The following WWOX variants were observed in gnomAD, a reference collection of about 807,000 sequenced individuals.
WWOX encodes the protein WW domain containing oxidoreductase, also known as WW domain-containing oxidoreductase.
WWOX carries 69 observed loss-of-function variants against 46.2 expected under a neutral mutation model. The ratio of observed to expected loss-of-function variants is 1.49; its 90% confidence interval spans 1.23 to 1.82. The LOEUF (loss-of-function observed/expected upper bound fraction) is 1.82. WWOX is among the 40% of genes most tolerant of loss of function. WWOX has a pLI of 0.00. For synonymous variants in WWOX, 359 were observed against 202.6 expected (o/e 1.77, Z -6.56); for missense variants, 919 against 542.6 (o/e 1.69, Z -6.89).
chr16:78,356,091 A>AAAAAAAAAG (rs1281293467), intron 5 of WWOX, among the ~76,000 whole-genome samples: 906 of 76,228 alleles, frequency 0.012, 10 homozygotes, highest in Non-Finnish European at 0.019. Flanking sequence ...AAAAAAAAAA[A>AAAAAAAAAG]AAGAAGAATC....
At chr16:79,140,644 C>T (rs1344840436) in intron 8 of WWOX, among the ~76,000 whole-genome samples, 3 of 152,200 alleles carry the variant, frequency 2.0e-5, no homozygotes, top group Admixed American at 6.5e-5. Context: ...AAGCAAGAAG[C>T]GCTGCTCCCA....
At chr16:79,039,641 C>T (rs545241669) in intron 8 of WWOX, among the ~76,000 whole-genome samples, 4 of 152,294 alleles carry the variant, frequency 2.6e-5, no homozygotes, top group Admixed American at 6.5e-5. Flanking sequence ...CCCGGCACCT[C>T]GGAAAGTAAC....
chr16:78,768,384 G>C (rs963457641), intron 8 of WWOX, among the ~76,000 whole-genome samples: 2 of 151,474 alleles, frequency 1.3e-5, no homozygotes, highest in Non-Finnish European at 2.9e-5. Flanking sequence ...GAGGTGAGGA[G>C]TTTGAGACCA....
intron 8 of WWOX, among the ~76,000 whole-genome samples, chr16:78,822,939 A>G (rs2051544222): frequency 6.6e-6 from 1 of 152,214 alleles, no homozygotes; most frequent in Non-Finnish European, 1.5e-5. Context: ...AAGAAAAAAA[A>G]AAAGGAATTA....
chr16:78,382,642 C>T (rs1020827523), intron 5 of WWOX, among the ~76,000 whole-genome samples: 1 of 152,138 alleles, frequency 6.6e-6, no homozygotes, highest in Non-Finnish European at 1.5e-5. Context: ...TCTGACTGAA[C>T]GAGGCCTGAA....
chr16:78,660,300 C>T (rs1334424881), intron 8 of WWOX, among the ~76,000 whole-genome samples: 1 of 152,168 alleles, frequency 6.6e-6, no homozygotes, highest in Non-Finnish European at 1.5e-5. Context: ...CTTCCGTACA[C>T]TAAAGGTCCC....
chr16:78,784,339 C>T (rs1309315858), intron 8 of WWOX, among the ~76,000 whole-genome samples: 2 of 152,098 alleles, frequency 1.3e-5, no homozygotes, highest in African/African-American at 4.8e-5. Flanking sequence ...GATGAGATTA[C>T]AGGTCCTCAG....
chr16:78,626,846 C>G (rs1193820275), intron 8 of WWOX, among the ~76,000 whole-genome samples: 1 of 152,108 alleles, frequency 6.6e-6, no homozygotes, highest in Non-Finnish European at 1.5e-5. Flanking sequence ...TTATTTTATG[C>G]TTTATGTTAT....
intron 8 of WWOX, among the ~76,000 whole-genome samples, chr16:79,074,889 A>AT (rs916874292): frequency 2.6e-5 from 4 of 151,746 alleles, no homozygotes; most frequent in African/African-American, 7.3e-5. Context: ...CCTTTAAAAA[A>AT]AAAGAAAAAT....
intron 6 of WWOX, among the ~76,000 whole-genome samples, chr16:78,422,663 G>GTATGTATATATATATATATATA (rs1555536293): frequency 2.9e-4 from 7 of 24,410 alleles, no homozygotes; most frequent in Non-Finnish European, 6.5e-4. Context: ...TTTTTTACAT[G>GTATGTATATATATATATATATA]TATATATATA....
chr16:79,199,824 G>A (rs2051311944), intron 8 of WWOX, among the ~76,000 whole-genome samples: 1 of 152,170 alleles, frequency 6.6e-6, no homozygotes, highest in South Asian at 2.1e-4. Context: ...GAGTAGCAAT[G>A]TGCATTTGTG....
chr16:78,924,664 A>G (rs184222910), intron 8 of WWOX, among the ~76,000 whole-genome samples: 2 of 152,262 alleles, frequency 1.3e-5, no homozygotes, highest in South Asian at 2.1e-4. Context: ...TATCCATTCA[A>G]CATTTATTAG....
chr16:78,467,068 G>T (rs192445018), intron 8 of WWOX, among the ~76,000 whole-genome samples: 85 of 152,248 alleles, frequency 5.6e-4, no homozygotes, highest in African/African-American at 1.8e-3. Flanking sequence ...TTATGTGTTT[G>T]CCTGTGTTAT....
rs2055770 is a variant in WWOX at position 79,191,912 on chromosome 16, A to C, written c.1057-19696A>C. Among the ~76,000 whole-genome samples the C allele has an allele frequency of 3.6e-3, 547 of 152,336 alleles. 6 individuals carry two copies. The highest frequency in any genetic ancestry group is 0.026 in the Admixed American group (395 of 15,298). ...AAATTAGTGGAAAAACAGGGAGTTT[A>C]AGGGAGCAAGAGATCAGGTCTTCTG... is the stretch of plus-strand genomic sequence containing the variant. On this transcript the variant is annotated intron_variant, in intron 8 of 8. Coordinates refer to ENST00000566780, the MANE Select transcript of WWOX (RefSeq NM_016373.4).
At chr16:78,984,520 G>C (rs1265885895) in intron 8 of WWOX, among the ~76,000 whole-genome samples, 1 of 152,184 alleles carries the variant, frequency 6.6e-6, no homozygotes, top group Non-Finnish European at 1.5e-5. Flanking sequence ...ACAAAAACAG[G>C]CAGCAGGCCA....
intron 8 of WWOX, among the ~76,000 whole-genome samples, chr16:78,607,801 G>A (rs1488614294): frequency 6.6e-6 from 1 of 152,060 alleles, no homozygotes; most frequent in East Asian, 1.9e-4. Context: ...TCTCTTTGGA[G>A]CGTGTCTTTT....
intron 8 of WWOX, among the ~76,000 whole-genome samples, chr16:78,871,831 G>T (rs533313531): frequency 5.2e-4 from 79 of 152,268 alleles, no homozygotes; most frequent in African/African-American, 1.9e-3. Context: ...TCAAACTCCT[G>T]GCCTCAAGTG....
At chr16:78,762,465 A>C (rs1276085031) in intron 8 of WWOX, among the ~76,000 whole-genome samples, 1 of 152,158 alleles carries the variant, frequency 6.6e-6, no homozygotes, top group African/African-American at 2.4e-5. Flanking sequence ...ACATTAAGTG[A>C]GCCTTCCTTA....
chr16:78,917,877 C>G (rs907690716), intron 8 of WWOX, among the ~76,000 whole-genome samples: 11 of 152,090 alleles, frequency 7.2e-5, no homozygotes, highest in Non-Finnish European at 1.3e-4. Flanking sequence ...TAAGTGAGAT[C>G]TTGTTTTTTA....
Sources: allele counts gnomAD v4.1 joint callset (sites outside exome capture counted in the v4.1 genomes callset), GRCh38; gene constraint gnomAD v4.1.1; transcripts MANE v1.5; gene names NCBI Gene and HGNC (gene_info 2026-07-23, HGNC 2026-07-21).